Variants in SYNPO observed in about 807,000 individuals in gnomAD.
SYNPO encodes the protein synaptopodin.
A neutral mutation model predicts 49.5 loss-of-function variants in SYNPO; 19 were observed. The ratio of observed to expected loss-of-function variants is 0.38; its 90% CI spans 0.27 to 0.56. The LOEUF (loss-of-function observed/expected upper bound fraction) is 0.56, where lower values mean the gene tolerates loss of function less well. Ranked by LOEUF, SYNPO falls within the 20% of genes least tolerant of loss-of-function variation. The probability of loss-of-function intolerance (pLI) is 0.68; values close to 1 mark genes in which losing one functional copy is unlikely to be tolerated. For synonymous variants in SYNPO, 536 were observed against 548.0 expected, an observed-to-expected ratio of 0.98 and a Z score of 0.31; for missense variants, 1,131 against 1,248.3, an observed-to-expected ratio of 0.91 and a Z score of 1.42.
At chr5:150,620,948 T>TC (rs1554108178) in intron 2 of SYNPO, among the ~76,000 whole-genome samples, 15 of 144,822 alleles carry the variant, frequency 1.0e-4, no homozygotes, top group East Asian at 1.0e-3. Context: ...TTTCTTTCTT[T>TC]TCTTTTCTTT....
chr5:150,657,426 TCTCTCTCACACACACACA>T lies in SYNPO; in HGVS notation c.*341_*358del. 1 of 172,628 alleles carries T rather than the reference TCTCTCTCACACACACACA, an allele frequency of 5.8e-6. No homozygotes were observed. Among genetic ancestry groups the T allele is most frequent in the Admixed American group, 7.2e-5 (1 of 13,810 alleles). 10.7% of individuals were successfully genotyped at this position (172,628 alleles called of 1,614,324 possible). A position where few individuals can be genotyped will look rare whatever the true frequency, so the allele number is the denominator to read the frequency against. On this transcript the variant is annotated 3_prime_UTR_variant, in exon 3 of 3. Coordinates refer to ENST00000307662, the MANE Select transcript of SYNPO (RefSeq NM_007286.6). ...CACACACTCTCTCTTTCTCTCTCTC[TCTCTCTCACACACACACA>T]CACACACACACACACACACACACAC... is the stretch of plus-strand genomic sequence containing the variant.
At chr5:150,600,195 C>T (rs1036612359), upstream of SYNPO, among the ~76,000 whole-genome samples, 32 of 152,272 alleles carry the variant, frequency 2.1e-4, no homozygotes, top group Non-Finnish European at 1.5e-5. Flanking sequence ...GAGGCTCCTG[C>T]ACCTGAGGCT....
chr5:150,624,750 C>CGGTGGCGGCGGCGAGGA, intron 2 of SYNPO: 1 of 715,404 alleles, frequency 1.4e-6, no homozygotes, highest in Non-Finnish European at 1.7e-6. Context: ...TAGGCGGTGG[C>CGGTGGCGGCGGCGAGGA]GGTGGCGGCG....
intron 2 of SYNPO, 65 bp downstream of exon 2, chr5:150,650,368 C>A (rs536594045): frequency 6.3e-7 from 1 of 1,597,806 alleles, no homozygotes; most frequent in Non-Finnish European, 8.6e-7. Flanking sequence ...CGGTCAAGTT[C>A]CCCTCCTTGA....
intron 2 of SYNPO, among the ~76,000 whole-genome samples, chr5:150,625,528 C>T (rs1757326776): frequency 6.6e-6 from 1 of 152,198 alleles, no homozygotes; most frequent in South Asian, 2.1e-4. Flanking sequence ...AGGCCTTTCC[C>T]CAGCGCCTAC....
chr5:150,586,283 C>T, the SYNPO span, among the ~76,000 whole-genome samples: 1 of 152,210 alleles, frequency 6.6e-6, no homozygotes, highest in Non-Finnish European at 1.5e-5. Context: ...ATCACAGAGG[C>T]TAGAATCAAT....
chr5:150,651,547 G>A, intron 2 of SYNPO: 1 of 1,001,850 alleles, frequency 1.0e-6, no homozygotes, highest in South Asian at 4.7e-5. Context: ...CCTGGTGAGG[G>A]AAGGGTTGGA....
rs1758641210 is a variant in SYNPO at position 150,658,170 on chromosome 5, C to T, written c.*1083C>T. On this transcript the variant is annotated 3_prime_UTR_variant, in exon 3 of 3. Coordinates refer to ENST00000307662, the MANE Select transcript of SYNPO (RefSeq NM_007286.6). ...CTCAGATGACCCCTGAGGGCTCTTC[C>T]AGTCTTGAAATGCATTCCATGATAT... 6.6e-6 allele frequency: 1 copy of T among 152,234 alleles called. No individual in the cohort carries two copies. The highest frequency in any genetic ancestry group is 1.5e-5 in the Non-Finnish European group (1 of 68,044). The allele number at this position is 152,234 out of a possible 1,614,324, so 9.4% of individuals were successfully genotyped here. A position where few individuals can be genotyped will look rare whatever the true frequency, so the allele number is the denominator to read the frequency against.
upstream of SYNPO, among the ~76,000 whole-genome samples, chr5:150,596,548 A>G (rs890592239): frequency 6.6e-6 from 1 of 151,872 alleles, no homozygotes; most frequent in Non-Finnish European, 1.5e-5. Context: ...CGCCCTCCAC[A>G]TCTGGATGGA....
upstream of SYNPO, among the ~76,000 whole-genome samples, chr5:150,596,422 C>T (rs767313226): frequency 6.6e-6 from 1 of 152,154 alleles, no homozygotes; most frequent in Non-Finnish European, 1.5e-5. Context: ...TGAAATTCTA[C>T]ATCTGGCTTT....
the SYNPO span, among the ~76,000 whole-genome samples, chr5:150,586,090 G>T: frequency 7.9e-5 from 12 of 152,250 alleles, no homozygotes; most frequent in African/African-American, 2.7e-4. Context: ...GCTGTATGGC[G>T]CAGCTGCAAG....
the SYNPO span, among the ~76,000 whole-genome samples, chr5:150,587,509 G>GTGGATGGAAGGA: frequency 9.9e-5 from 15 of 151,348 alleles, no homozygotes; most frequent in Admixed American, 7.2e-4. Context: ...ACATGGAGGG[G>GTGGATGGAAGGA]TGGATGGAAG....
At chr5:150,615,579 G>A (rs1756963357) in intron 1 of SYNPO, among the ~76,000 whole-genome samples, 1 of 152,230 alleles carries the variant, frequency 6.6e-6, no homozygotes, top group South Asian at 2.1e-4. Context: ...TCACCATGGT[G>A]TCCTCCGGGA....
Position 150,649,853 on chromosome 5 carries a change from CG to C in SYNPO, c.1582del (p.Ala528ProfsTer110). 6.2e-7 allele frequency: 1 copy of C among 1,608,820 alleles called. No homozygotes were observed. On this transcript the variant is annotated frameshift_variant, in exon 2 of 3. Coordinates refer to ENST00000307662, the MANE Select transcript of SYNPO (RefSeq NM_007286.6). LOFTEE classifies it high-confidence loss of function. ...CCTGGAAATACCCCACTAACGCCCC[CG>C]GGGCCTTCCGAGTGGCATCCCGAAG... Reference protein sequence around the residue: ...SSWKYPTNAPGAFRVASRSPA... With the variant: ...SSWKYPTNAPXAFRVASRSPA...
At chr5:150,624,694 C>T (rs951379577) in intron 2 of SYNPO, 2 of 346,848 alleles carry the variant, frequency 5.8e-6, no homozygotes, top group Non-Finnish European at 8.1e-6. Context: ...CCCGCCCGCC[C>T]GCCCAGCGCT....
Position 150,628,067 on chromosome 5 carries a change from G to GTGTGTGTGTGTGTGTGTGT in SYNPO, c.400+9301_400+9302insGTGTGTGTGTGTGTGTGTT, listed in dbSNP as rs1561643388. 3.1e-3 allele frequency among the ~76,000 whole-genome samples: 397 copies of GTGTGTGTGTGTGTGTGTGT among 126,768 alleles called. 3 individuals carry two copies. Among genetic ancestry groups the GTGTGTGTGTGTGTGTGTGT allele is most frequent in the African/African-American group, 0.011 (382 of 33,862 alleles). 83.2% of individuals were successfully genotyped at this position (126,768 alleles called of 152,430 possible). ...GTGTGTGTGTGTGTGTGTGTGTGTG[G>GTGTGTGTGTGTGTGTGTGT]TCAGAGTCTTTTGTGAACTGTCCCT... On this transcript the variant is annotated intron_variant, in intron 2 of 2. Coordinates refer to the SYNPO transcript ENST00000394243.
chr5:150,635,866 C>G (rs1389102855), upstream of SYNPO, among the ~76,000 whole-genome samples: 1 of 152,222 alleles, frequency 6.6e-6, no homozygotes, highest in Non-Finnish European at 1.5e-5. Flanking sequence ...GTTCCCTCTG[C>G]CTGCACTGTT....
At chr5:150,619,400 A>G (rs188697341) in intron 2 of SYNPO, among the ~76,000 whole-genome samples, 2 of 152,182 alleles carry the variant, frequency 1.3e-5, no homozygotes, top group South Asian at 4.1e-4. Context: ...GTTAGAGGTG[A>G]CAAGGGCAGA....
chr5:150,607,248 G>A (rs535680533), intron 1 of SYNPO, among the ~76,000 whole-genome samples: 53 of 152,250 alleles, frequency 3.5e-4, no homozygotes, highest in Admixed American at 9.1e-4. Context: ...AAGCGTAATA[G>A]GAACATAGCT....
Sources: gnomAD v4.1 joint callset for allele counts (sites outside exome capture counted in the v4.1 genomes callset) on GRCh38, gnomAD v4.1.1 for gene constraint, MANE v1.5 for transcripts, NCBI Gene and HGNC (gene_info 2026-07-23, HGNC 2026-07-21) for gene names.